Variants in LGR4 observed in about 807,000 individuals in gnomAD.
LGR4 encodes the protein leucine-rich repeat-containing G protein-coupled receptor 4.
LGR4 carries 44 observed loss-of-function variants against 84.8 expected under a neutral mutation model. The ratio of observed to expected loss-of-function variants is 0.52; its 90% confidence interval spans 0.41 to 0.67. The LOEUF (loss-of-function observed/expected upper bound fraction) is 0.67, where lower values mean the gene tolerates loss of function less well. Ranked by LOEUF, LGR4 falls within the 30% of genes least tolerant of loss-of-function variation. LGR4 has a pLI of 0.00. For synonymous variants in LGR4, 429 were observed against 434.3 expected, an observed-to-expected ratio of 0.99 and a Z score of 0.15; for missense variants, 1,032 against 1,131.4, an observed-to-expected ratio of 0.91 and a Z score of 1.26.
chr11:27,428,418 C>T (rs867413628), intron 1 of LGR4, among the ~76,000 whole-genome samples: 9 of 152,284 alleles, frequency 5.9e-5, no homozygotes, highest in East Asian at 1.9e-4. Flanking sequence ...GGATTACAGG[C>T]GTGAGCCACC....
intron 1 of LGR4, among the ~76,000 whole-genome samples, chr11:27,460,762 T>C (rs775751986): frequency 6.6e-6 from 1 of 152,204 alleles, no homozygotes; most frequent in Non-Finnish European, 1.5e-5. Context: ...AAATATTCCA[T>C]ATGTTTTCTT....
intron 1 of LGR4, among the ~76,000 whole-genome samples, chr11:27,439,584 C>T (rs1440097281): frequency 5.9e-5 from 9 of 152,176 alleles, no homozygotes; most frequent in African/African-American, 2.2e-4. Context: ...GCGGGGAATA[C>T]ATATACCCAG....
rs1297769731 is a variant in LGR4, at chr11:27,378,696, CA to C, written c.1043del (p.Leu348TrpfsTer8). Reference protein sequence around the residue: ...LCQEQKMLRTLDLSYNNIRDL... With the variant: ...LCQEQKMLRTXDLSYNNIRDL... ...GGGAAGGGAAGAAGAATCCAACTTACAAAGTCCTAAGCATCTTTTGTTCTTG... is the reference window on the plus strand; with the variant it reads ...GGGAAGGGAAGAAGAATCCAACTTACAAGTCCTAAGCATCTTTTGTTCTTG... On this transcript the variant is annotated frameshift_variant and splice_region_variant, in exon 11 of 18. Coordinates refer to ENST00000379214, the MANE Select transcript of LGR4 (RefSeq NM_018490.5). LOFTEE classifies it high-confidence loss of function. 1.9e-6 allele frequency: 3 copies of C among 1,598,824 alleles called. No individual in the cohort carries two copies. Among genetic ancestry groups the C allele is most frequent in the Non-Finnish European group, 2.6e-6 (3 of 1,167,492 alleles).
intron 17 of LGR4, among the ~76,000 whole-genome samples, chr11:27,370,402 C>A (rs531467941): frequency 4.6e-5 from 7 of 152,318 alleles, no homozygotes; most frequent in African/African-American, 1.2e-4. Context: ...GAATAGGATA[C>A]CTTTTGAGAA....
chr11:27,452,767 G>A (rs960696447), intron 1 of LGR4, among the ~76,000 whole-genome samples: 2 of 150,494 alleles, frequency 1.3e-5, no homozygotes, highest in African/African-American at 2.4e-5. Context: ...GGGACTACAG[G>A]TGCCCGCCAC....
chr11:27,396,311 G>A (rs1465939629), intron 2 of LGR4, among the ~76,000 whole-genome samples: 1 of 152,148 alleles, frequency 6.6e-6, no homozygotes, highest in African/African-American at 2.4e-5. Context: ...ATGTCACCTA[G>A]CAGAATAAAG....
chr11:27,401,075 C>G (rs963538198), intron 2 of LGR4, among the ~76,000 whole-genome samples: 1 of 152,096 alleles, frequency 6.6e-6, no homozygotes, highest in African/African-American at 2.4e-5. Flanking sequence ...TAAGAATATA[C>G]ATGAATTAAG....
chr11:27,380,211 C>G (rs1863065219), intron 10 of LGR4, 60 bp downstream of exon 10: 1 of 1,071,318 alleles, frequency 9.3e-7, no homozygotes, highest in Admixed American at 2.2e-5. Context: ...ACCCTGGCAC[C>G]CTGCTAGCAG....
chr11:27,371,194 T>C (rs1266857294), intron 17 of LGR4, among the ~76,000 whole-genome samples: 1 of 152,170 alleles, frequency 6.6e-6, no homozygotes, highest in Non-Finnish European at 1.5e-5. Flanking sequence ...TGACCAAATA[T>C]GTGGTATCAG....
intron 1 of LGR4, among the ~76,000 whole-genome samples, chr11:27,470,786 A>G (rs1864856450): frequency 6.6e-6 from 1 of 151,960 alleles, no homozygotes; most frequent in Non-Finnish European, 1.5e-5. Flanking sequence ...GGGGAGGGGA[A>G]GGCTGAAGGT....
Position 27,452,125 on chromosome 11 carries a change from G to A in LGR4, c.185+19993C>T, listed in dbSNP as rs540275315. On this transcript the variant is annotated intron_variant, in intron 1 of 17. Coordinates refer to ENST00000379214, the MANE Select transcript of LGR4 (RefSeq NM_018490.5). ...GTGAAAGTTAAAAGATCTAGATTGA[G>A]ACTCTGGCTCTGCAACCTCAGGCTG... Among the ~76,000 whole-genome samples the A allele has an allele frequency of 2.6e-5, 4 of 152,300 alleles. No homozygotes were observed. In the South Asian group the frequency reaches 6.2e-4, roughly 24 times the overall value.
chr11:27,442,603 A>G (rs1228855904), intron 1 of LGR4, among the ~76,000 whole-genome samples: 1 of 152,234 alleles, frequency 6.6e-6, no homozygotes, highest in Admixed American at 6.5e-5. Flanking sequence ...ACAAAAAAAC[A>G]CAGGTGATTT....
chr11:27,411,005 T>C (rs576245010), intron 2 of LGR4, among the ~76,000 whole-genome samples: 192 of 152,220 alleles, frequency 1.3e-3, no homozygotes, highest in Admixed American at 4.2e-3. Flanking sequence ...CACATCCAGG[T>C]CTTCACTTCG....
At chr11:27,466,678 T>C (rs1160628770) in intron 1 of LGR4, among the ~76,000 whole-genome samples, 1 of 152,250 alleles carries the variant, frequency 6.6e-6, no homozygotes, top group Non-Finnish European at 1.5e-5. Context: ...TAAACACTTA[T>C]GATACCATAA....
chr11:27,430,641 G>A (rs1453846813), intron 1 of LGR4, among the ~76,000 whole-genome samples: 4 of 151,678 alleles, frequency 2.6e-5, no homozygotes, highest in African/African-American at 4.8e-5. Context: ...TCCACCCCTC[G>A]ACCCCTTGCC....
chr11:27,462,025 G>T lies in LGR4; in HGVS notation c.185+10093C>A, dbSNP rs551605770. 5.3e-5 allele frequency among the ~76,000 whole-genome samples: 8 copies of T among 151,796 alleles called. No homozygotes were observed. In the South Asian group the frequency reaches 1.5e-3, roughly 28 times the overall value. The stretch of plus-strand genomic sequence containing the variant: ...TTTTTTGTATTTTTAGTAGAGAAGG[G>T]TTTCACCACATTGGCCTGGCTGGTC... On this transcript the variant is annotated intron_variant, in intron 1 of 17. Transcript: ENST00000379214.
rs375970924 is a variant in LGR4, at chr11:27,368,193, CGTA to C, written c.2527_2529del (p.Tyr843del). 3.7e-6 allele frequency: 6 copies of C among 1,614,172 alleles called. No individual in the cohort carries two copies. In the African/African-American group the frequency reaches 4.0e-5, roughly 11 times the overall value. On this transcript the variant is annotated inframe_deletion, in exon 18 of 18. Coordinates refer to ENST00000379214, the MANE Select transcript of LGR4 (RefSeq NM_018490.5). ...TGCAAATGTGAGTACATGCCACAGTCGTAGTAGAAATCCTGTTCCAGACAACCA... is the reference window on the plus strand; with the variant it reads ...TGCAAATGTGAGTACATGCCACAGTCGTAGAAATCCTGTTCCAGACAACCA...
chr11:27,420,341 A>G (rs901496687), intron 1 of LGR4, among the ~76,000 whole-genome samples: 2 of 152,104 alleles, frequency 1.3e-5, no homozygotes, highest in Non-Finnish European at 2.9e-5. Flanking sequence ...TTTACTGAGC[A>G]CCTATTAGGT....
At chr11:27,469,425 G>C (rs1003284429) in intron 1 of LGR4, among the ~76,000 whole-genome samples, 3 of 152,148 alleles carry the variant, frequency 2.0e-5, no homozygotes, top group Non-Finnish European at 4.4e-5. Context: ...TCTGCTCCTC[G>C]GTGTGGCCTT....
Sources: allele counts gnomAD v4.1 joint callset (sites outside exome capture counted in the v4.1 genomes callset), GRCh38; gene constraint gnomAD v4.1.1; transcripts MANE v1.5; gene names NCBI Gene and HGNC (gene_info 2026-07-23, HGNC 2026-07-21).